Variants in DGKA observed in about 807,000 individuals in gnomAD.
DGKA encodes the protein 80 kDa diacylglycerol kinase.
Under a neutral mutation model 105.0 loss-of-function variants are expected in DGKA, and 35 were observed. The observed-to-expected ratio is 0.33, with a 90% CI of 0.25 to 0.44. The LOEUF is 0.44. Ranked by LOEUF, DGKA falls within the 20% of genes least tolerant of loss-of-function variation. The pLI is 1.00. For synonymous variants in DGKA, 296 were observed against 332.0 expected (o/e 0.89, Z 1.18); for missense variants, 665 against 915.0 (o/e 0.73, Z 3.53).
At chr12:55,950,659 C>G (rs1051899039) in intron 17 of DGKA, among the ~76,000 whole-genome samples, 7 of 151,804 alleles carry the variant, frequency 4.6e-5, no homozygotes, top group Non-Finnish European at 1.0e-4. Flanking sequence ...CCAGGCTGGT[C>G]TCAAACTCCT....
chr12:55,950,176 T>C (rs1430127742), intron 17 of DGKA, among the ~76,000 whole-genome samples: 2 of 151,930 alleles, frequency 1.3e-5, no homozygotes, highest in African/African-American at 4.8e-5. Context: ...GGTTTCACCA[T>C]GTTGGCCAGG....
At chr12:55,941,010 A>G (rs1164814902) in intron 13 of DGKA, 30 bp downstream of exon 13, 1 of 1,607,066 alleles carries the variant, frequency 6.2e-7, no homozygotes, top group South Asian at 1.1e-5. Context: ...GGGCTTCATG[A>G]TGGGGGCAGG....
intron 17 of DGKA, 60 bp from the exon 18 acceptor site, chr12:55,951,563 C>T (rs1013872632): frequency 1.1e-5 from 17 of 1,551,582 alleles, no homozygotes; most frequent in Non-Finnish European, 1.4e-5. Flanking sequence ...GAGCTGGGAG[C>T]TGAGAAGAGG....
At chr12:55,938,738 A>G (rs1258934636) in intron 6 of DGKA, 177 bp from the exon 7 acceptor site, 2 of 1,538,286 alleles carry the variant, frequency 1.3e-6, no homozygotes, top group Admixed American at 2.0e-5. Context: ...AGAATGCTGG[A>G]TACATGAATT....
intron 1 of DGKA, chr12:55,936,094 A>G (rs1884637257): frequency 4.3e-5 from 39 of 907,444 alleles, no homozygotes; most frequent in Non-Finnish European, 5.1e-5. Context: ...ACACACCCAC[A>G]GAAACATATA....
At chr12:55,946,273 C>T (rs1419444665) in intron 17 of DGKA, among the ~76,000 whole-genome samples, 5 of 151,150 alleles carry the variant, frequency 3.3e-5, no homozygotes, top group African/African-American at 9.7e-5. Flanking sequence ...CAGGTTCTAG[C>T]GATTCTCCTG....
chr12:55,942,511 A>G (rs1041911583), intron 17 of DGKA: 4 of 453,934 alleles, frequency 8.8e-6, no homozygotes, highest in Non-Finnish European at 1.6e-5. Flanking sequence ...GTTTCTCCCA[A>G]CCAACTCTTA....
At chr12:55,942,469 GTGATAGTCCCCTTTC>G in intron 17 of DGKA, 1 of 551,380 alleles carries the variant, frequency 1.8e-6, no homozygotes, top group South Asian at 2.1e-5. Context: ...AGGGTCAAGG[GTGATAGTCCCCTTTC>G]CTGTAAATAT....
At chr12:55,934,261 A>G (rs891644200) in intron 1 of DGKA, among the ~76,000 whole-genome samples, 1 of 152,144 alleles carries the variant, frequency 6.6e-6, no homozygotes, top group Non-Finnish European at 1.5e-5. Flanking sequence ...CATTTCCTAG[A>G]ACTTTGGAGT....
At chr12:55,936,865 T>C in intron 2 of DGKA, 152 bp from the exon 3 acceptor site, 1 of 851,788 alleles carries the variant, frequency 1.2e-6, no homozygotes, top group South Asian at 1.4e-5. Flanking sequence ...TGGTACTGTT[T>C]TGGAGGATCT....
Position 55,952,369 on chromosome 12 carries a change from T to G in DGKA, c.1681T>G (p.Phe561Val). The G allele has an allele frequency of 6.2e-7, 1 of 1,614,152 alleles. No homozygotes were observed. Among genetic ancestry groups the G allele is most frequent in the Non-Finnish European group, 8.5e-7 (1 of 1,180,030 alleles). The part of the protein sequence containing the change: ...RMKNKLWYFE[F>V]ATSESIFSTC... The stretch of plus-strand genomic sequence containing the variant: ...GAAGAACAAGCTATGGTACTTCGAA[T>G]TTGCCACATCTGAATCCATCTTCTC... Residue 561 changes from phenylalanine to valine, a missense_variant, in exon 20 of 24, where the codon TTT (phenylalanine) becomes GTT (valine). Phe to Val is a conservative substitution (Grantham distance 50, BLOSUM62 -1). This residue lies in a region of DGKA where 3 missense variants were observed against 20.4 expected (regional missense o/e 0.15). Coordinates refer to ENST00000331886, the MANE Select transcript of DGKA (RefSeq NM_001345.5). The surrounding 1 kb of genome is among the most constrained non-coding windows in gnomAD (Gnocchi z 5.1).
chr12:55,949,350 C>G (rs1480594313), intron 17 of DGKA, among the ~76,000 whole-genome samples: 1 of 152,146 alleles, frequency 6.6e-6, no homozygotes, highest in Non-Finnish European at 1.5e-5. Context: ...GGGCACCCAC[C>G]ACCATGCCCA....
In DGKA at chr12:55,940,840, A is replaced by G. The variant is rs770175039; in HGVS notation, c.1018-57A>G. 8 of 1,599,704 alleles carry G rather than the reference A, an allele frequency of 5.0e-6. No individual in the cohort carries two copies. In the East Asian group the frequency reaches 1.8e-4, roughly 36 times the overall value. On this transcript the variant is annotated intron_variant, in intron 12 of 23. Coordinates refer to ENST00000331886, the MANE Select transcript of DGKA (RefSeq NM_001345.5). This position sits in a 1 kb window ranked among gnomAD's most constrained non-coding sequence, Gnocchi z 4.3. ...TTTAGGATTCAAGTCAGACCCCTCT[A>G]TTTAGGGATTCATGCACAATACAGC...
chr12:55,936,149 G>A, intron 1 of DGKA: 1 of 582,172 alleles, frequency 1.7e-6, no homozygotes, highest in Non-Finnish European at 2.4e-6. Context: ...AGGGTGGTCA[G>A]ATGAATCAAG....
At position 55,952,685 on chromosome 12, in the gene DGKA, G is replaced by C. The variant is rs375311884; in HGVS notation, c.1744-49G>C. On this transcript the variant is annotated intron_variant, in intron 20 of 23. Transcript: ENST00000331886. The surrounding 1 kb of genome is among the most constrained non-coding windows in gnomAD (Gnocchi z 5.1). ...GATCACATCTATGATCATGCCATGA[G>C]GTGAGGATCTGTACCCTCCCTAACT... 23 of 1,596,022 alleles carry C rather than the reference G, an allele frequency of 1.4e-5. No homozygotes were observed. In the African/African-American group the frequency reaches 3.1e-4, roughly 21 times the overall value.
At chr12:55,938,652 G>C in intron 6 of DGKA, 92 bp downstream of exon 6, 1 of 1,608,988 alleles carries the variant, frequency 6.2e-7, no homozygotes, top group Non-Finnish European at 8.5e-7. Context: ...TTAAGAAACA[G>C]AAGAGGATGG....
At chr12:55,941,081 A>G in intron 13 of DGKA, 101 bp downstream of exon 13, 1 of 1,394,248 alleles carries the variant, frequency 7.2e-7, no homozygotes, top group Non-Finnish European at 9.9e-7. Flanking sequence ...GGAGCGGTTG[A>G]TGCTCACTCT....
chr12:55,941,972 C>A, intron 15 of DGKA, 26 bp from the exon 16 acceptor site: 12 of 1,612,870 alleles, frequency 7.4e-6, no homozygotes, highest in Non-Finnish European at 1.0e-5. Flanking sequence ...TATCCTTCTT[C>A]ATATTCTCTC....
In DGKA at chr12:55,952,230, C is replaced by A; in HGVS notation, c.1653-111C>A. 1 of 1,486,454 alleles carries A rather than the reference C, an allele frequency of 6.7e-7. No homozygotes were observed. The highest frequency in any genetic ancestry group is 9.4e-7 in the Non-Finnish European group (1 of 1,065,574). 92.1% of individuals were successfully genotyped at this position (1,486,454 alleles called of 1,614,324 possible). A position where few individuals can be genotyped will look rare whatever the true frequency, so the allele number is the denominator to read the frequency against. ...CCCCCCAACCAAAGCCACCCTTGTT[C>A]CCCATGGGACTAAAGTTAGGAGGTT... On this transcript the variant is annotated intron_variant, in intron 19 of 23. Coordinates refer to ENST00000331886, the MANE Select transcript of DGKA (RefSeq NM_001345.5). The surrounding 1 kb of genome is among the most constrained non-coding windows in gnomAD (Gnocchi z 5.1).
Sources: allele counts gnomAD v4.1 joint callset (sites outside exome capture counted in the v4.1 genomes callset), GRCh38; gene constraint gnomAD v4.1.1; regional missense constraint gnomAD v4.1.1; non-coding constraint Gnocchi (gnomAD v3.1); transcripts MANE v1.5; gene names NCBI Gene and HGNC (gene_info 2026-07-23, HGNC 2026-07-21).